The following GDPD5 variants were observed in gnomAD, a reference collection of about 807,000 sequenced individuals.
GDPD5 encodes glycerophosphodiester phosphodiesterase 2.
A neutral mutation model predicts 75.1 loss-of-function variants in GDPD5; 48 were observed. The observed-to-expected ratio is 0.64, with a 90% CI of 0.51 to 0.81. The LOEUF is 0.81. Among genes scored for constraint, GDPD5 ranks in the 40% least tolerant of loss-of-function variants. GDPD5 has a pLI of 0.00. For missense variants in GDPD5, 706 were observed against 822.6 expected (o/e 0.86, Z 1.73); for synonymous variants, 336 against 339.0 (o/e 0.99, Z 0.10).
Position 75,442,444 on chromosome 11 carries a change from C to T in GDPD5, c.1086G>A (p.Pro362=), listed in dbSNP as rs748966109. The change falls in exon 12 of 17, where the codon CCG becomes CCA. Residue 362 remains proline, a synonymous_variant. Transcript: ENST00000336898. ...TGCTGCGGTAGGGGTGCTCCCGGGG[C>T]GGGTCACGCAGGTTGAGCAGCAGTG... ...NATLLLNLRD[P]PREHPYRSSF... 1.5e-5 allele frequency: 24 copies of T among 1,611,994 alleles called. No homozygotes were observed. Among genetic ancestry groups the T allele is most frequent in the Middle Eastern group, 1.6e-4 (1 of 6,066 alleles).
chr11:75,482,313 A>C (rs954565706), intron 2 of GDPD5, among the ~76,000 whole-genome samples: 1 of 151,896 alleles, frequency 6.6e-6, no homozygotes, highest in African/African-American at 2.4e-5. Context: ...CTGGGAGGCA[A>C]ACCTCTTCTT....
intron 1 of GDPD5, chr11:75,508,105 GAC>G (rs1269147955): frequency 1.3e-5 from 2 of 152,158 alleles, no homozygotes; most frequent in Non-Finnish European, 2.9e-5. Flanking sequence ...TGGCTAATAT[GAC>G]AGAGTCAGGA....
intron 9 of GDPD5, chr11:75,448,616 G>T: frequency 4.8e-6 from 5 of 1,031,078 alleles, no homozygotes; most frequent in Non-Finnish European, 5.8e-6. Context: ...GCTCTGAGCT[G>T]CCTCCCAGCT....
At chr11:75,453,380 A>C (rs1300959706) in intron 6 of GDPD5, among the ~76,000 whole-genome samples, 1 of 152,178 alleles carries the variant, frequency 6.6e-6, no homozygotes, top group Non-Finnish European at 1.5e-5. Flanking sequence ...GCACTTTGGG[A>C]GGCCGAGGTG....
At position 75,449,871 on chromosome 11, in the gene GDPD5, C is replaced by A; in HGVS notation, c.474+14G>T. ...CTCTTGTTGTGAGGGTCCTGGGGGA[C>A]CCTCCTCACTCACCTGCAGGGAGAT... On this transcript the variant is annotated intron_variant, in intron 7 of 16. Transcript: ENST00000336898. 1 of 1,610,740 alleles carries A rather than the reference C, an allele frequency of 6.2e-7. No homozygotes were observed. Among genetic ancestry groups the A allele is most frequent in the East Asian group, 2.2e-5 (1 of 44,860 alleles).
chr11:75,521,591 G>A (rs1199937995), intron 1 of GDPD5, among the ~76,000 whole-genome samples: 5 of 152,178 alleles, frequency 3.3e-5, no homozygotes, highest in African/African-American at 9.7e-5. Context: ...GTAGTATTGT[G>A]TGGATACATT....
intron 1 of GDPD5, among the ~76,000 whole-genome samples, chr11:75,515,508 T>C (rs1346103618): frequency 6.6e-6 from 1 of 151,176 alleles, no homozygotes; most frequent in African/African-American, 2.4e-5. Context: ...ACGCTCCTCT[T>C]ACCTGACATT....
chr11:75,519,385 T>C (rs1266705668), intron 1 of GDPD5, among the ~76,000 whole-genome samples: 1 of 152,192 alleles, frequency 6.6e-6, no homozygotes, highest in African/African-American at 2.4e-5. Context: ...GTGTTGTCAC[T>C]GCTTCTGTGT....
At chr11:75,451,725 A>T (rs967894353) in intron 6 of GDPD5, 1 of 152,196 alleles carries the variant, frequency 6.6e-6, no homozygotes, top group Non-Finnish European at 1.5e-5. Context: ...ATCTCATCAC[A>T]ATACCTATTA....
chr11:75,501,393 G>A (rs577933548), intron 1 of GDPD5, among the ~76,000 whole-genome samples: 10 of 152,316 alleles, frequency 6.6e-5, no homozygotes, highest in African/African-American at 2.2e-4. Context: ...ACATATTCAC[G>A]GACAGACACA....
intron 2 of GDPD5, among the ~76,000 whole-genome samples, chr11:75,479,679 C>G (rs918718998): frequency 3.9e-5 from 6 of 152,260 alleles, no homozygotes; most frequent in African/African-American, 1.4e-4. Context: ...CCCCCCACCC[C>G]CTTCTCATGC....
At chr11:75,479,338 C>T (rs1222754852) in intron 2 of GDPD5, 2 of 152,174 alleles carry the variant, frequency 1.3e-5, no homozygotes, top group Non-Finnish European at 2.9e-5. Context: ...TCCAGAAACT[C>T]AGTCATATGT....
At chr11:75,523,425 C>T (rs1046171595) in intron 1 of GDPD5, among the ~76,000 whole-genome samples, 1 of 152,202 alleles carries the variant, frequency 6.6e-6, no homozygotes, top group Admixed American at 6.5e-5. Context: ...GTGGTTTTAC[C>T]TCTCTGAGCT....
Position 75,440,080 on chromosome 11 carries a change from C to A in GDPD5, c.1474-119G>T, listed in dbSNP as rs573981202. 22 of 703,834 alleles carry A rather than the reference C, an allele frequency of 3.1e-5. No individual in the cohort carries two copies. In the South Asian group the frequency reaches 3.6e-4, roughly 11 times the overall value. 43.6% of individuals were successfully genotyped at this position (703,834 alleles called of 1,614,324 possible). On this transcript the variant is annotated intron_variant, in intron 14 of 16. Transcript: ENST00000336898. The stretch of plus-strand genomic sequence containing the variant: ...GCCACTGGGGAAGGGCAAGGGAGGA[C>A]CCTGAGAGGGTCTGGGGGCTGAAGA...
chr11:75,456,943 C>G, intron 5 of GDPD5, 127 bp from the exon 6 acceptor site: 1 of 871,358 alleles, frequency 1.1e-6, no homozygotes, highest in South Asian at 1.5e-5. Context: ...GAACCTCCCT[C>G]CAGGCGATGG....
chr11:75,486,179 C>A (rs535935629), intron 2 of GDPD5, among the ~76,000 whole-genome samples: 50 of 152,316 alleles, frequency 3.3e-4, no homozygotes, highest in Admixed American at 8.5e-4. Context: ...CCCCCAGTAG[C>A]AAAGCAGAGA....
At chr11:75,485,584 T>C (rs954028261) in intron 2 of GDPD5, 1 of 150,260 alleles carries the variant, frequency 6.7e-6, no homozygotes, top group African/African-American at 2.5e-5. Context: ...GTTAGGTAAT[T>C]CACCCAAGGC....
At chr11:75,472,665 T>C (rs1018433918) in intron 3 of GDPD5, among the ~76,000 whole-genome samples, 1 of 152,168 alleles carries the variant, frequency 6.6e-6, no homozygotes, top group African/African-American at 2.4e-5. Flanking sequence ...GTCAGCAAGA[T>C]GGCAGTCACA....
chr11:75,474,737 C>G (rs1338458589), intron 3 of GDPD5, among the ~76,000 whole-genome samples: 1 of 152,174 alleles, frequency 6.6e-6, no homozygotes, highest in Non-Finnish European at 1.5e-5. Context: ...CTCTCCACTC[C>G]CAGGATCCAC....
Sources: gnomAD v4.1 joint callset for allele counts (sites outside exome capture counted in the v4.1 genomes callset) on GRCh38, gnomAD v4.1.1 for gene constraint, MANE v1.5 for transcripts, NCBI Gene and HGNC (gene_info 2026-07-23, HGNC 2026-07-21) for gene names.